The following TJAP1 variants were observed in gnomAD, a reference collection of about 807,000 sequenced individuals.
The protein encoded by TJAP1 is tight junction-associated protein 1.
A neutral mutation model predicts 42.0 loss-of-function variants in TJAP1; 27 were observed. The observed-to-expected ratio is 0.64, with a 90% CI of 0.47 to 0.89. The LOEUF (loss-of-function observed/expected upper bound fraction) is 0.89. TJAP1 is among the 40% of genes least tolerant of loss of function. TJAP1 has a pLI of 0.00. For synonymous variants in TJAP1, 257 were observed against 288.4 expected, an observed-to-expected ratio of 0.89 and a Z score of 1.10; for missense variants, 712 against 726.9, an observed-to-expected ratio of 0.98 and a Z score of 0.24.
chr6:43,488,216 C>A (rs1472775515), intron 2 of TJAP1, among the ~76,000 whole-genome samples: 1 of 151,910 alleles, frequency 6.6e-6, no homozygotes, highest in Non-Finnish European at 1.5e-5. Flanking sequence ...CACCAAAACT[C>A]AATATTAATA....
chr6:43,503,094 A>C (rs1791345243), intron 8 of TJAP1: 1 of 477,514 alleles, frequency 2.1e-6, no homozygotes, highest in Non-Finnish European at 3.8e-6. Flanking sequence ...ACTGCCGTTG[A>C]GGTACCAGCT....
intron 2 of TJAP1, 63 bp downstream of exon 2, chr6:43,478,295 C>A (rs1784622395): frequency 1.3e-5 from 2 of 152,166 alleles, no homozygotes; most frequent in South Asian, 2.1e-4. Flanking sequence ...GATGCATGGG[C>A]TTAGAGTGAT....
intron 2 of TJAP1, among the ~76,000 whole-genome samples, chr6:43,478,929 C>G (rs1008685166): frequency 5.9e-5 from 9 of 152,180 alleles, no homozygotes; most frequent in Admixed American, 1.3e-4. Context: ...TACAGTTGGA[C>G]AAGTGTGGTG....
chr6:43,495,616 G>A lies in TJAP1; in HGVS notation c.-121-2265G>A, dbSNP rs530644641. 1.3e-5 allele frequency among the ~76,000 whole-genome samples: 2 copies of A among 152,168 alleles called. No homozygotes were observed. The highest frequency in any genetic ancestry group is 4.8e-5 in the African/African-American group (2 of 41,412). ...TCCCATACCTGTAACTCTGACATGC[G>A]TGGAAAGAATAGGCTCTGGCAGAGA... On this transcript the variant is annotated intron_variant, in intron 2 of 10. Coordinates refer to ENST00000372449, the Ensembl canonical transcript of TJAP1. The surrounding 1 kb of genome is among the most constrained non-coding windows in gnomAD (Gnocchi z 4.6).
Position 43,505,044 on chromosome 6 carries a change from A to ATGGGGAGTGCCACTCTC in TJAP1, c.868_884dup (p.Thr296SerfsTer24). ...CCTGGCAGCCCCACCCCACAACCCA[A>ATGGGGAGTGCCACTCTC]TGGGGAGTGCCACTCTCTGGGTACT... is the stretch of plus-strand genomic sequence containing the variant. On this transcript the variant is annotated frameshift_variant, in exon 11 of 11. Transcript: ENST00000372449. LOFTEE classifies it high-confidence loss of function. This position sits in a 1 kb window ranked among gnomAD's most constrained non-coding sequence, Gnocchi z 5.5. The ATGGGGAGTGCCACTCTC allele has an allele frequency of 6.2e-7, 1 of 1,613,816 alleles. No homozygotes were observed. The highest frequency in any genetic ancestry group is 8.5e-7 in the Non-Finnish European group (1 of 1,179,864).
intron 2 of TJAP1, among the ~76,000 whole-genome samples, chr6:43,481,723 A>G (rs1250943068): frequency 6.6e-6 from 1 of 152,180 alleles, no homozygotes; most frequent in African/African-American, 2.4e-5. Context: ...CCCTTTAGCC[A>G]GGCAGGAGGC....
intron 3 of TJAP1, 57 bp from the exon 4 acceptor site, chr6:43,498,919 TCA>T: frequency 6.4e-7 from 1 of 1,558,010 alleles, no homozygotes; most frequent in East Asian, 2.3e-5. Context: ...TTGTTTTTTC[TCA>T]GTCCAGAGTC....
chr6:43,488,518 C>T (rs983767704), intron 2 of TJAP1, among the ~76,000 whole-genome samples: 2 of 152,220 alleles, frequency 1.3e-5, no homozygotes, highest in African/African-American at 4.8e-5. Flanking sequence ...CCCATCTCAC[C>T]TGTGTCTCTC....
chr6:43,496,599 G>A (rs1789216844), intron 2 of TJAP1, among the ~76,000 whole-genome samples: 1 of 152,164 alleles, frequency 6.6e-6, no homozygotes, highest in African/African-American at 2.4e-5. Flanking sequence ...AGACAGAGGA[G>A]GGAGACCACT....
intron 2 of TJAP1, among the ~76,000 whole-genome samples, chr6:43,486,150 A>C (rs559501086): frequency 6.6e-6 from 1 of 151,584 alleles, no homozygotes; most frequent in Admixed American, 6.6e-5. Flanking sequence ...TTTTTAGTAG[A>C]GACGGGGTTT....
In TJAP1 at chr6:43,503,108, T is replaced by C. The variant is rs1791350173; in HGVS notation, c.388-293T>C. ...TACTGCCGTTGAGGTACCAGCTGCC[T>C]TGCCTGGTGCCCAGAGCCCCTGGAA... On this transcript the variant is annotated intron_variant, in intron 8 of 10. Transcript: ENST00000372449. 19 of 491,788 alleles carry C rather than the reference T, an allele frequency of 3.9e-5. No individual in the cohort carries two copies. In the South Asian group the frequency reaches 4.4e-4, roughly 11 times the overall value. 30.5% of individuals were successfully genotyped at this position (491,788 alleles called of 1,614,324 possible).
intron 4 of TJAP1, 29 bp downstream of exon 4, chr6:43,499,129 C>G (rs755832312): frequency 1.2e-6 from 2 of 1,611,272 alleles, no homozygotes; most frequent in Admixed American, 1.7e-5. Context: ...ACAGCCTGAC[C>G]GGCAGAGGCA....
rs1788117328 is a variant in TJAP1 at position 43,492,850 on chromosome 6, G to C, written c.-121-5031G>C. Among the ~76,000 whole-genome samples the C allele has an allele frequency of 6.6e-6, 1 of 152,126 alleles. No individual in the cohort carries two copies. The highest frequency in any genetic ancestry group is 1.5e-5 in the Non-Finnish European group (1 of 68,022). On this transcript the variant is annotated intron_variant, in intron 2 of 10. Coordinates refer to ENST00000372449, the Ensembl canonical transcript of TJAP1. The surrounding 1 kb of genome is among the most constrained non-coding windows in gnomAD (Gnocchi z 4.2). ...GAGAAGCGGCCAGACTTGTGTGGCG[G>C]GAGTGTAGCTGACCCCCACTGGGGC...
chr6:43,503,323 TC>T (rs774983691), intron 8 of TJAP1, 77 bp from the exon 9 acceptor site: 3 of 1,151,752 alleles, frequency 2.6e-6, no homozygotes, highest in Non-Finnish European at 3.9e-6. Flanking sequence ...CTCTTGTGTC[TC>T]CAGGATGGGA....
chr6:43,502,147 A>T (rs1437418064), intron 6 of TJAP1, 136 bp from the exon 7 acceptor site: 2 of 736,034 alleles, frequency 2.7e-6, no homozygotes, highest in East Asian at 2.7e-5. Flanking sequence ...TGCCTTAGAG[A>T]TCATCTAATT....
At chr6:43,502,608 G>C (rs1791197881) in exon 8 of TJAP1, 1 of 1,551,788 alleles carries the variant, frequency 6.4e-7, no homozygotes, top group African/African-American at 1.4e-5. Flanking sequence ...GCCACAGCTG[G>C]ATTTTTGCAG....
chr6:43,480,492 G>C (rs1422874222), intron 2 of TJAP1, among the ~76,000 whole-genome samples: 1 of 152,106 alleles, frequency 6.6e-6, no homozygotes, highest in Non-Finnish European at 1.5e-5. Flanking sequence ...TGTTGTAAGG[G>C]CTTTTCATGT....
At chr6:43,480,689 A>G (rs1785125785) in intron 2 of TJAP1, among the ~76,000 whole-genome samples, 1 of 152,026 alleles carries the variant, frequency 6.6e-6, no homozygotes. Flanking sequence ...TAATTTTTGT[A>G]TTTTTAGTAG....
At chr6:43,481,484 C>CG (rs952628904) in intron 2 of TJAP1, among the ~76,000 whole-genome samples, 7 of 119,890 alleles carry the variant, frequency 5.8e-5, no homozygotes, top group Non-Finnish European at 4.9e-5. Flanking sequence ...AAGACATCAC[C>CG]CCCCCCCCAA....
Sources: gnomAD v4.1 joint callset for allele counts (sites outside exome capture counted in the v4.1 genomes callset) on GRCh38, gnomAD v4.1.1 for gene constraint, Gnocchi (gnomAD v3.1) non-coding constraint, MANE v1.5 for transcripts, NCBI Gene and HGNC (gene_info 2026-07-23, HGNC 2026-07-21) for gene names.